Variants in GRB10 observed in about 807,000 individuals in gnomAD.
GRB10 encodes growth factor receptor-bound protein 10.
In GRB10, 20 loss-of-function variants were observed where a neutral mutation model predicts 80.9. The ratio of observed to expected loss-of-function variants is 0.25; its 90% CI spans 0.17 to 0.36. The LOEUF is 0.36. GRB10 is among the 10% of genes least tolerant of loss of function. The probability of loss-of-function intolerance (pLI) is 1.00; values close to 1 mark genes in which losing one functional copy is unlikely to be tolerated. For missense variants in GRB10, 548 were observed against 747.7 expected (o/e 0.73, Z 3.12); for synonymous variants, 291 against 291.5 (o/e 1.00, Z 0.02).
chr7:50,743,125 A>T (rs1183096988), intron 3 of GRB10, among the ~76,000 whole-genome samples: 2 of 152,202 alleles, frequency 1.3e-5, no homozygotes, highest in African/African-American at 4.8e-5. Context: ...CAATGCATTG[A>T]TGGGAGAAGG....
chr7:50,685,270 T>A (rs17133953), intron 5 of GRB10, among the ~76,000 whole-genome samples: 1,718 of 152,324 alleles, frequency 0.011, 29 homozygotes, highest in African/African-American at 0.037. Flanking sequence ...TGCAGTGACG[T>A]CTTAAGCAAC....
At chr7:50,642,137 G>A (rs186097905) in intron 7 of GRB10, among the ~76,000 whole-genome samples, 4 of 152,210 alleles carry the variant, frequency 2.6e-5, no homozygotes, top group African/African-American at 9.6e-5. Flanking sequence ...CCCTCCTCTT[G>A]AGCCTCAGAG....
chr7:50,637,525 A>G (rs2055299407), intron 7 of GRB10, among the ~76,000 whole-genome samples: 2 of 152,118 alleles, frequency 1.3e-5, no homozygotes, highest in South Asian at 2.1e-4. Flanking sequence ...AAAACTACAA[A>G]CCCTCATGAA....
At chr7:50,599,022 G>C (rs960961839) in intron 17 of GRB10, among the ~76,000 whole-genome samples, 2 of 152,150 alleles carry the variant, frequency 1.3e-5, no homozygotes, top group African/African-American at 2.4e-5. Flanking sequence ...GTTTGGCAGA[G>C]AGGACTACAG....
intron 1 of GRB10, among the ~76,000 whole-genome samples, chr7:50,790,876 C>T (rs140193875): frequency 6.8e-4 from 103 of 152,322 alleles, no homozygotes; most frequent in African/African-American, 2.3e-3. Context: ...ATAGCCTGTA[C>T]CCGGAAAGAT....
chr7:50,677,913 A>C (rs189758998), intron 5 of GRB10, among the ~76,000 whole-genome samples: 1 of 152,326 alleles, frequency 6.6e-6, no homozygotes, highest in Non-Finnish European at 1.5e-5. Flanking sequence ...CACTCTGCCA[A>C]TTCAATGCCA....
In GRB10 at chr7:50,591,004, GT is replaced by G. The variant is rs1342776574; in HGVS notation, c.*1947del. 5.9e-5 allele frequency: 9 copies of G among 152,296 alleles called. No homozygotes were observed. In the East Asian group the frequency reaches 1.7e-3, roughly 29 times the overall value. The allele number at this position is 152,296 out of a possible 1,614,324, so 9.4% of individuals were successfully genotyped here. On this transcript the variant is annotated 3_prime_UTR_variant, in exon 19 of 19. Coordinates refer to ENST00000401949, the MANE Select transcript of GRB10 (RefSeq NM_001350814.2). The stretch of plus-strand genomic sequence containing the variant: ...GTACACAGAAAAAAGAAATCCTAGA[GT>G]TGTTTTTCCTTGAAAAGGGTTTACC...
At chr7:50,694,831 A>C (rs1297175027) in intron 5 of GRB10, among the ~76,000 whole-genome samples, 1 of 152,216 alleles carries the variant, frequency 6.6e-6, no homozygotes, top group Admixed American at 6.5e-5. Context: ...GAATAACTAC[A>C]TTATAGGTAC....
intron 8 of GRB10, among the ~76,000 whole-genome samples, chr7:50,623,104 G>A (rs1402615431): frequency 2.0e-5 from 3 of 152,180 alleles, no homozygotes; most frequent in African/African-American, 7.2e-5. Context: ...CAGAAGGGAT[G>A]GGGACACCTT....
At chr7:50,664,446 C>G (rs1019446516) in intron 7 of GRB10, among the ~76,000 whole-genome samples, 3 of 152,216 alleles carry the variant, frequency 2.0e-5, no homozygotes, top group Non-Finnish European at 4.4e-5. Flanking sequence ...GCCAGCCCAC[C>G]TGCCAGGGTC....
chr7:50,611,891 C>T (rs918119605), intron 13 of GRB10, among the ~76,000 whole-genome samples: 7 of 152,150 alleles, frequency 4.6e-5, no homozygotes, highest in Non-Finnish European at 1.0e-4. Flanking sequence ...CTATGGAGAC[C>T]CCTGGACTTT....
intron 1 of GRB10, chr7:50,792,403 T>C (rs1383948042): frequency 2.5e-6 from 1 of 398,120 alleles, no homozygotes; most frequent in Admixed American, 4.4e-5. Context: ...TTTCTTCCAA[T>C]CCCAAGAAAA....
intron 5 of GRB10, among the ~76,000 whole-genome samples, chr7:50,676,341 G>GC (rs2060937215): frequency 2.0e-5 from 3 of 150,182 alleles, no homozygotes; most frequent in Admixed American, 6.6e-5. Context: ...CCACCGGGGG[G>GC]GGGGGGGGGT....
intron 8 of GRB10, among the ~76,000 whole-genome samples, chr7:50,622,192 C>T (rs1671153924): frequency 6.6e-6 from 1 of 152,226 alleles, no homozygotes; most frequent in Non-Finnish European, 1.5e-5. Context: ...GTGGATAAGG[C>T]CGTAAGTGGA....
At chr7:50,646,188 T>A (rs2057160744) in intron 7 of GRB10, among the ~76,000 whole-genome samples, 1 of 152,210 alleles carries the variant, frequency 6.6e-6, no homozygotes, top group African/African-American at 2.4e-5. Flanking sequence ...TATATAAACA[T>A]CTCAGTAGCG....
intron 8 of GRB10, among the ~76,000 whole-genome samples, chr7:50,624,842 A>G (rs1188445996): frequency 6.6e-6 from 1 of 152,116 alleles, no homozygotes; most frequent in East Asian, 1.9e-4. Flanking sequence ...TTTGTGAAAC[A>G]GGACCCAAAA....
At chr7:50,655,849 G>A (rs1226335816) in intron 7 of GRB10, among the ~76,000 whole-genome samples, 1 of 152,176 alleles carries the variant, frequency 6.6e-6, no homozygotes, top group Non-Finnish European at 1.5e-5. Context: ...CCCTCTTTCT[G>A]GAACACTGTA....
intron 5 of GRB10, among the ~76,000 whole-genome samples, chr7:50,694,992 G>GC (rs894852114): frequency 6.6e-6 from 1 of 152,068 alleles, no homozygotes; most frequent in Non-Finnish European, 1.5e-5. Flanking sequence ...CTATTAGGAA[G>GC]CCCCCAGATC....
chr7:50,777,429 T>TACACACACACACACACACACAC (rs71018485), intron 2 of GRB10, among the ~76,000 whole-genome samples: 45 of 146,270 alleles, frequency 3.1e-4, no homozygotes, highest in South Asian at 2.3e-3. Context: ...GCAATCTGTA[T>TACACACACACACACACACACAC]ACACACACAC....
Sources: gnomAD v4.1 joint callset for allele counts (sites outside exome capture counted in the v4.1 genomes callset) on GRCh38, gnomAD v4.1.1 for gene constraint, MANE v1.5 for transcripts, NCBI Gene and HGNC (gene_info 2026-07-23, HGNC 2026-07-21) for gene names.